Variants in PLA2R1 observed in about 807,000 individuals in gnomAD.
PLA2R1 encodes secretory phospholipase A2 receptor.
Under a neutral mutation model 195.9 loss-of-function variants are expected in PLA2R1, and 158 were observed. That is an observed-to-expected ratio of 0.81 (90% CI 0.71 to 0.92). The LOEUF is 0.92. Ranked by LOEUF, PLA2R1 falls within the 40% of genes least tolerant of loss-of-function variation. The pLI, the probability that PLA2R1 is intolerant of heterozygous loss-of-function variation, is 0.00. For missense variants in PLA2R1, 1,626 were observed against 1,764.6 expected (o/e 0.92, Z 1.41); for synonymous variants, 586 against 598.2 (o/e 0.98, Z 0.30).
intron 10 of PLA2R1, among the ~76,000 whole-genome samples, chr2:160,009,263 A>G (rs1462070804): frequency 2.0e-5 from 3 of 152,252 alleles, no homozygotes; most frequent in African/African-American, 7.2e-5. Flanking sequence ...ATTCATGTTC[A>G]TGGTAGCATT....
In PLA2R1 at chr2:159,939,132, A is replaced by G. The variant is rs1187582178; in HGVS notation, c.*2646T>C. 1 of 152,224 alleles carries G rather than the reference A, an allele frequency of 6.6e-6. No homozygotes were observed. The highest frequency in any genetic ancestry group is 2.4e-5 in the African/African-American group (1 of 41,458). The allele number at this position is 152,224 out of a possible 1,614,324, so 9.4% of individuals were successfully genotyped here. The stretch of plus-strand genomic sequence containing the variant: ...AGTGGTAAAGTCTGGTGTAACCATC[A>G]CGCAAATAGTGTATAATATACCCAT... On this transcript the variant is annotated 3_prime_UTR_variant, in exon 30 of 30. Transcript: ENST00000283243.
At chr2:159,976,652 T>C (rs1689577394) in intron 16 of PLA2R1, 33 bp downstream of exon 16, 3 of 1,400,868 alleles carry the variant, frequency 2.1e-6, no homozygotes, top group African/African-American at 1.4e-5. Context: ...TATTAATAAT[T>C]AGAAATTCAA....
At chr2:160,052,335 C>T (rs1483369315) in intron 1 of PLA2R1, among the ~76,000 whole-genome samples, 2 of 152,212 alleles carry the variant, frequency 1.3e-5, no homozygotes, top group African/African-American at 2.4e-5. Flanking sequence ...CACTCCCTGG[C>T]CATTCCCGTT....
rs533545175 is a variant in PLA2R1, at chr2:160,057,559, T to C, written c.109+4736A>G. On this transcript the variant is annotated intron_variant, in intron 1 of 29. Coordinates refer to ENST00000283243, the MANE Select transcript of PLA2R1 (RefSeq NM_007366.5). The stretch of plus-strand genomic sequence containing the variant: ...TTCCTATATGGTAACTGCCTACTTA[T>C]CCTTTAGGAAAACAAATGTCTTTTT... Among the ~76,000 whole-genome samples, 7 of 152,300 alleles carry C rather than the reference T, an allele frequency of 4.6e-5. No homozygotes were observed. The South Asian group carries it at 1.2e-3, about 27-fold the overall frequency.
At position 160,028,232 on chromosome 2, in the gene PLA2R1, T is replaced by A; in HGVS notation, c.1085A>T (p.Asp362Val). 1.3e-6 allele frequency: 2 copies of A among 1,592,878 alleles called. No homozygotes were observed. Among genetic ancestry groups the A allele is most frequent in the South Asian group, 1.2e-5 (1 of 86,028 alleles). The change falls in exon 6 of 30, where the codon GAT becomes GTT. Residue 362 changes from aspartate to valine, a missense_variant. Coordinates refer to ENST00000283243, the MANE Select transcript of PLA2R1 (RefSeq NM_007366.5). The stretch of plus-strand genomic sequence containing the variant: ...AAAACGCTTACCAACTATTTCATGA[T>A]CAATGTGGTTTAGATATTTTTTACA... ...YICKKYLNHIDHEIVEKDAWK... is the reference protein window; with the variant it reads ...YICKKYLNHIVHEIVEKDAWK...
chr2:160,040,343 C>T (rs900889520), intron 3 of PLA2R1, among the ~76,000 whole-genome samples: 4 of 152,060 alleles, frequency 2.6e-5, no homozygotes, highest in African/African-American at 9.7e-5. Flanking sequence ...CAGCAGAGAG[C>T]CTCTGGAATT....
chr2:160,055,086 C>A (rs537153951), intron 1 of PLA2R1, among the ~76,000 whole-genome samples: 1 of 152,222 alleles, frequency 6.6e-6, no homozygotes, highest in East Asian at 1.9e-4. Context: ...GGGCTTGGAA[C>A]CTGCATTGTG....
At chr2:160,048,192 G>A (rs1173551516) in intron 1 of PLA2R1, among the ~76,000 whole-genome samples, 1 of 152,184 alleles carries the variant, frequency 6.6e-6, no homozygotes, top group Non-Finnish European at 1.5e-5. Context: ...GGCAGAAATT[G>A]GAACTTCTGT....
chr2:160,062,037 C>A (rs1322607689), intron 1 of PLA2R1, among the ~76,000 whole-genome samples: 1 of 152,084 alleles, frequency 6.6e-6, no homozygotes, highest in Non-Finnish European at 1.5e-5. Flanking sequence ...GACCAAGCCC[C>A]CCCGCCCCCG....
At chr2:160,061,706 C>T (rs529592682) in intron 1 of PLA2R1, among the ~76,000 whole-genome samples, 7 of 152,172 alleles carry the variant, frequency 4.6e-5, no homozygotes, top group South Asian at 2.1e-4. Context: ...CCCCGGGAGG[C>T]GGAGGCTGCA....
intron 2 of PLA2R1, among the ~76,000 whole-genome samples, chr2:160,043,669 G>A (rs1010818049): frequency 6.6e-6 from 1 of 152,152 alleles, no homozygotes; most frequent in African/African-American, 2.4e-5. Context: ...TCCCCTGCAT[G>A]CACCATGAGT....
chr2:159,991,872 A>C (rs1690830597), intron 11 of PLA2R1, among the ~76,000 whole-genome samples: 1 of 86,550 alleles, frequency 1.2e-5, no homozygotes, highest in Non-Finnish European at 2.4e-5. Context: ...ATCGTTGGAC[A>C]TTTGGGTTGG....
At chr2:159,977,243 A>G in intron 15 of PLA2R1, 41 bp downstream of exon 15, 2 of 1,485,310 alleles carry the variant, frequency 1.3e-6, no homozygotes, top group Non-Finnish European at 1.9e-6. Flanking sequence ...AGAGATTATT[A>G]GAAATCAAAC....
chr2:159,959,877 C>T, intron 20 of PLA2R1, among the ~76,000 whole-genome samples: 1 of 152,172 alleles, frequency 6.6e-6, no homozygotes, highest in East Asian at 1.9e-4. Flanking sequence ...CCACCACTAT[C>T]TTAGCCCAAC....
the PLA2R1 span, among the ~76,000 whole-genome samples, chr2:159,925,381 GTCAATA>G: frequency 2.0e-5 from 3 of 152,238 alleles, no homozygotes; most frequent in Non-Finnish European, 2.9e-5. Flanking sequence ...CTATGTAGAT[GTCAATA>G]TAAATACATT....
At position 160,022,708 on chromosome 2, in the gene PLA2R1, G is replaced by T; in HGVS notation, c.1251C>A (p.Thr417=). 6.2e-7 allele frequency: 1 copy of T among 1,612,782 alleles called. No homozygotes were observed. The highest frequency in any genetic ancestry group is 1.1e-5 in the South Asian group (1 of 90,780). The change falls in exon 7 of 30, where the codon ACC becomes ACA. Residue 417 remains threonine (T), a synonymous_variant. Coordinates refer to ENST00000283243, the MANE Select transcript of PLA2R1 (RefSeq NM_007366.5). ...QADNSALIDI[T]SLAEVEFLVT... ...CAAGAAACTCCACCTCTGCTAATGA[G>T]GTTATGTCTATTAATGCACTGTTAT...
At chr2:160,041,627 A>G (rs1225578355) in intron 3 of PLA2R1, among the ~76,000 whole-genome samples, 1 of 152,198 alleles carries the variant, frequency 6.6e-6, no homozygotes, top group Admixed American at 6.5e-5. Flanking sequence ...AGCAGCCTGG[A>G]TGTGGAGAAA....
chr2:159,957,502 G>A (rs1364671984), intron 20 of PLA2R1, among the ~76,000 whole-genome samples: 5 of 151,920 alleles, frequency 3.3e-5, no homozygotes, highest in African/African-American at 1.2e-4. Context: ...CTACAGGTGC[G>A]CACCACCATG....
chr2:159,958,716 C>G (rs1157247062), intron 20 of PLA2R1, among the ~76,000 whole-genome samples: 1 of 152,138 alleles, frequency 6.6e-6, no homozygotes, highest in Admixed American at 6.6e-5. Context: ...AATTTTGCCC[C>G]TCAGGGTATA....
Sources: gnomAD v4.1 joint callset for allele counts (sites outside exome capture counted in the v4.1 genomes callset) on GRCh38, gnomAD v4.1.1 for gene constraint, MANE v1.5 for transcripts, NCBI Gene and HGNC (gene_info 2026-07-23, HGNC 2026-07-21) for gene names.